PKHD1: variants seen among roughly 807,000 people sequenced by gnomAD.
PKHD1 encodes fibrocystin.
PKHD1 carries 291 observed loss-of-function variants against 412.0 expected under a neutral mutation model. The observed-to-expected ratio is 0.71, with a 90% CI of 0.64 to 0.78. The LOEUF is 0.78. Among genes scored for constraint, PKHD1 ranks in the 30% least tolerant of loss-of-function variants. The pLI is 0.00. For missense variants in PKHD1, 4,825 were observed against 4,950.7 expected (o/e 0.97, Z 0.76); for synonymous variants, 1,777 against 1,821.5 (o/e 0.98, Z 0.62).
intron 35 of PKHD1, among the ~76,000 whole-genome samples, chr6:52,006,791 C>A (rs146996448): frequency 6.6e-6 from 1 of 152,318 alleles, no homozygotes; most frequent in Non-Finnish European, 1.5e-5. Flanking sequence ...GCATCCATCA[C>A]CGGAGCAGTA....
intron 1 of PKHD1, among the ~76,000 whole-genome samples, chr6:52,086,802 G>A (rs909135244): frequency 5.9e-5 from 9 of 152,146 alleles, no homozygotes; most frequent in Admixed American, 2.6e-4. Flanking sequence ...AAACTTTTAC[G>A]TCTATTTGAA....
intron 12 of PKHD1, 29 bp downstream of exon 12, chr6:52,065,947 A>C (rs1562271153): frequency 1.9e-6 from 2 of 1,038,926 alleles, no homozygotes; most frequent in Non-Finnish European, 3.1e-6. Context: ...AAAACTATGA[A>C]CTATTTTCAG....
chr6:51,743,916 G>A (rs1784874072), intron 60 of PKHD1, among the ~76,000 whole-genome samples: 1 of 152,182 alleles, frequency 6.6e-6, no homozygotes, highest in Non-Finnish European at 1.5e-5. Context: ...AGCCTTGTTT[G>A]GGGGAGAGTT....
At position 52,025,836 on chromosome 6, in the gene PKHD1, G is replaced by A. The variant is rs1276847749; in HGVS notation, c.3974C>T (p.Ser1325Phe). 1.2e-6 allele frequency: 2 copies of A among 1,614,154 alleles called. No individual in the cohort carries two copies. The highest frequency in any genetic ancestry group is 4.5e-5 in the East Asian group (2 of 44,880). ...LSLHVGGSNL[S>F]NSVILLGNLN... ...GTTCCCCAGAAGGATGACTGAGTTGGAGAGGTTACTTCCTCCCACATGCAG... is the reference window on the plus strand; with the variant it reads ...GTTCCCCAGAAGGATGACTGAGTTGAAGAGGTTACTTCCTCCCACATGCAG... Residue 1325 changes from serine (S) to phenylalanine (F), a missense_variant, in exon 32 of 67, where the codon TCC becomes TTC. By Grantham distance (155) the Ser-to-Phe change is radical. Coordinates refer to ENST00000371117, the MANE Select transcript of PKHD1 (RefSeq NM_138694.4).
In PKHD1 at chr6:52,068,431, C is replaced by A. The variant is rs73435721; in HGVS notation, c.778+1026G>T. Among the ~76,000 whole-genome samples, 1,394 of 152,298 alleles carry A rather than the reference C, an allele frequency of 9.2e-3. 26 individuals carry two copies. Among genetic ancestry groups the A allele is most frequent in the African/African-American group, 0.032 (1,330 of 41,548 alleles). On this transcript the variant is annotated intron_variant, in intron 11 of 66. Transcript: ENST00000371117. ...GGTTTGATAGCAATGGGCAGGCTCA[C>A]AAAAACCTTGGAGTGGAGTGGCAAG...
At position 51,868,040 on chromosome 6, in the gene PKHD1, G is replaced by A. The variant is rs1170450293; in HGVS notation, c.7556C>T (p.Pro2519Leu). 1 of 1,610,928 alleles carries A rather than the reference G, an allele frequency of 6.2e-7. No individual in the cohort carries two copies. The highest frequency in any genetic ancestry group is 8.5e-7 in the Non-Finnish European group (1 of 1,177,244). ...CAAGTCTTCCAAAATTGCTGCATGA[G>A]GAAATGGAAATGCCACTAAGTTTGA... ...NSSNLVAFPFPHAAILEDLDG... is the reference protein window; with the variant it reads ...NSSNLVAFPFLHAAILEDLDG... The change falls in exon 48 of 67, where the codon CCT (proline) becomes CTT (leucine). Residue 2519 changes from proline (P) to leucine (L), a missense_variant. Coordinates refer to ENST00000371117, the MANE Select transcript of PKHD1 (RefSeq NM_138694.4).
chr6:52,033,946 T>C (rs1803499362), intron 28 of PKHD1, among the ~76,000 whole-genome samples: 1 of 151,890 alleles, frequency 6.6e-6, no homozygotes, highest in Non-Finnish European at 1.5e-5. Context: ...CTGACCAACA[T>C]GGAGAAACCC....
chr6:51,673,226 T>G (rs1012990081), intron 60 of PKHD1, among the ~76,000 whole-genome samples: 16 of 152,324 alleles, frequency 1.1e-4, no homozygotes, highest in Middle Eastern at 3.4e-3. Context: ...GTGTTTTCCC[T>G]GATAATTCCC....
At chr6:51,993,409 C>T (rs1277449633) in intron 35 of PKHD1, among the ~76,000 whole-genome samples, 1 of 152,238 alleles carries the variant, frequency 6.6e-6, no homozygotes, top group East Asian at 1.9e-4. Context: ...TGAACTTTTA[C>T]TTTTCTTATT....
chr6:51,643,751 C>T, intron 63 of PKHD1, among the ~76,000 whole-genome samples: 1 of 152,120 alleles, frequency 6.6e-6, no homozygotes, highest in African/African-American at 2.4e-5. Context: ...CGTAGGCAAA[C>T]ATGCGCCGTG....
At chr6:51,734,141 G>A (rs567154701) in intron 60 of PKHD1, among the ~76,000 whole-genome samples, 2 of 152,240 alleles carry the variant, frequency 1.3e-5, no homozygotes, top group South Asian at 4.2e-4. Flanking sequence ...CAAAAAGCTT[G>A]GGAAACACCG....
Position 51,706,756 on chromosome 6 carries a change from T to C in PKHD1, c.10156+37629A>G, listed in dbSNP as rs1308692251. Among the ~76,000 whole-genome samples, 4 of 152,184 alleles carry C rather than the reference T, an allele frequency of 2.6e-5. No individual in the cohort carries two copies. The East Asian group carries it at 7.7e-4, about 29-fold the overall frequency. The stretch of plus-strand genomic sequence containing the variant: ...GAATCTGATTCTCCTCTGAAATATT[T>C]TGAATTTTACTTTAATTCTCTGGAA... On this transcript the variant is annotated intron_variant, in intron 60 of 66. Coordinates refer to ENST00000371117, the MANE Select transcript of PKHD1 (RefSeq NM_138694.4).
intron 45 of PKHD1, among the ~76,000 whole-genome samples, chr6:51,884,915 C>G (rs1245615984): frequency 2.6e-5 from 4 of 152,120 alleles, no homozygotes; most frequent in Non-Finnish European, 5.9e-5. Flanking sequence ...TAAATGAGAA[C>G]AAAATACTAA....
chr6:52,072,197 T>TAA lies in PKHD1; in HGVS notation c.528-10_528-9dup. The stretch of plus-strand genomic sequence containing the variant: ...GCTTCCAAGATCACTGGGCTGGATT[T>TAA]AAAAAAAAATGAAAACAAAAGACAA... On this transcript the variant is annotated splice_polypyrimidine_tract_variant and intron_variant, in intron 7 of 66. Transcript: ENST00000371117. 1 of 1,552,182 alleles carries TAA rather than the reference T, an allele frequency of 6.4e-7. No homozygotes were observed. Among genetic ancestry groups the TAA allele is most frequent in the Non-Finnish European group, 8.9e-7 (1 of 1,126,296 alleles).
chr6:51,973,613 AT>A (rs1333070123), intron 35 of PKHD1, among the ~76,000 whole-genome samples: 4 of 152,182 alleles, frequency 2.6e-5, no homozygotes, highest in African/African-American at 9.7e-5. Context: ...CTACCTTGGG[AT>A]TCAAGGCTGA....
At chr6:51,773,573 A>G (rs958338483) in intron 54 of PKHD1, among the ~76,000 whole-genome samples, 1 of 151,508 alleles carries the variant, frequency 6.6e-6, no homozygotes, top group African/African-American at 2.4e-5. Context: ...CACATATATG[A>G]ATATACTAAT....
chr6:51,989,530 A>G (rs555019384), intron 35 of PKHD1, among the ~76,000 whole-genome samples: 1 of 152,320 alleles, frequency 6.6e-6, no homozygotes, highest in Non-Finnish European at 1.5e-5. Context: ...GAGTTATCAC[A>G]GAATTGAACC....
chr6:51,768,550 C>A (rs9382019), intron 55 of PKHD1, among the ~76,000 whole-genome samples: 52,251 of 151,722 alleles, frequency 0.34, 11,098 homozygotes, highest in East Asian at 0.67. Flanking sequence ...TGTTGATGTG[C>A]ATTTATTGAA....
intron 53 of PKHD1, among the ~76,000 whole-genome samples, chr6:51,779,587 C>T (rs572905352): frequency 2.6e-5 from 4 of 152,140 alleles, no homozygotes; most frequent in Non-Finnish European, 5.9e-5. Flanking sequence ...GTAATTTTTA[C>T]CAACCCTCCT....
Sources: gnomAD v4.1 joint callset for allele counts (sites outside exome capture counted in the v4.1 genomes callset) on GRCh38, gnomAD v4.1.1 for gene constraint, MANE v1.5 for transcripts, NCBI Gene and HGNC (gene_info 2026-07-23, HGNC 2026-07-21) for gene names.